Variants in IGSF10 observed in about 807,000 individuals in gnomAD.
IGSF10 encodes calvaria mechanical force protein 608.
Under a neutral mutation model 128.2 loss-of-function variants are expected in IGSF10, and 126 were observed. The ratio of observed to expected loss-of-function variants is 0.98; its 90% CI spans 0.85 to 1.14. The LOEUF is 1.14. Ranked by LOEUF, IGSF10 falls within the 50% of genes most tolerant of loss-of-function variation. The pLI, the probability that IGSF10 is intolerant of heterozygous loss-of-function variation, is 0.00. For missense variants in IGSF10, 3,295 were observed against 3,149.8 expected, an observed-to-expected ratio of 1.05 and a Z score of -1.10; for synonymous variants, 1,185 against 1,146.2, an observed-to-expected ratio of 1.03 and a Z score of -0.68.
the IGSF10 span, among the ~76,000 whole-genome samples, chr3:151,542,393 C>A: frequency 3.9e-3 from 588 of 152,196 alleles, 3 homozygotes; most frequent in African/African-American, 0.013. Flanking sequence ...TAAAGTAAGA[C>A]AATACACAGA....
At chr3:151,453,360 C>CA (rs762116998) in intron 5 of IGSF10, 24 bp downstream of exon 5, 157 of 1,534,222 alleles carry the variant, frequency 1.0e-4, no homozygotes, top group South Asian at 4.0e-5. Context: ...TTAATTGGGA[C>CA]AAAAAAATAA....
the IGSF10 span, among the ~76,000 whole-genome samples, chr3:151,551,700 CAT>C: frequency 2.3e-3 from 336 of 143,562 alleles, no homozygotes; most frequent in African/African-American, 8.6e-3. Flanking sequence ...CACACACACA[CAT>C]CTGAAGGCAT....
the IGSF10 span, among the ~76,000 whole-genome samples, chr3:151,599,314 C>G: frequency 1.3e-5 from 2 of 152,080 alleles, no homozygotes; most frequent in Non-Finnish European, 2.9e-5. Flanking sequence ...TAGGCCAGCA[C>G]CACACTAGGA....
the IGSF10 span, among the ~76,000 whole-genome samples, chr3:151,574,297 C>T: frequency 6.6e-6 from 1 of 152,158 alleles, no homozygotes; most frequent in Non-Finnish European, 1.5e-5. Flanking sequence ...TCCTGGATAA[C>T]ATCCTGAAGA....
Position 151,461,046 on chromosome 3 carries a change from C to G in IGSF10, c.-189G>C. Reference sequence around the variant, plus strand: ...GGTCGTGCGGAGCTGGTCCGGAGCTCTGGGAGGGAAGGAAGGAAGGCGGAG... The same window carrying G: ...GGTCGTGCGGAGCTGGTCCGGAGCTGTGGGAGGGAAGGAAGGAAGGCGGAG... On this transcript the variant is annotated 5_prime_UTR_variant, in exon 1 of 8. Coordinates refer to ENST00000282466, the MANE Select transcript of IGSF10 (RefSeq NM_178822.5). 1 of 985,310 alleles carries G rather than the reference C, an allele frequency of 1.0e-6. No individual in the cohort carries two copies. The highest frequency in any genetic ancestry group is 1.2e-6 in the Non-Finnish European group (1 of 829,906). The allele number at this position is 985,310 out of a possible 1,614,324, so 61.0% of individuals were successfully genotyped here.
rs1720950777 is a variant in IGSF10, at chr3:151,443,033, G to A, written c.5914C>T (p.Gln1972Ter). The change falls in exon 7 of 8, where the codon CAA becomes TAA. Residue 1972 changes from glutamine (Q) to a stop codon, truncating the protein, a stop_gained. Transcript: ENST00000282466. LOFTEE classifies it low-confidence loss of function (END_TRUNC). ...TTGGATGGTAACCTCCACATTATTTGGGGTTTGGGCTCCCCAGTGGCTGAG... is the reference window on the plus strand; with the variant it reads ...TTGGATGGTAACCTCCACATTATTTAGGGTTTGGGCTCCCCAGTGGCTGAG... The part of the protein sequence containing the change: ...NCSATGEPKP[Q>*]IMWRLPSKAV... 1 of 1,614,046 alleles carries A rather than the reference G, an allele frequency of 6.2e-7. No individual in the cohort carries two copies. The highest frequency in any genetic ancestry group is 1.7e-5 in the Admixed American group (1 of 59,998).
rs1194399601 is a variant in IGSF10 at position 151,446,008 on chromosome 3, A to G, written c.3973T>C (p.Phe1325Leu). Reference sequence around the variant, plus strand: ...TCATAAGTGATGACAGATGCAGGGAAGGTAGGAGTTGTTGCTGGTATTGCT... The same window carrying G: ...TCATAAGTGATGACAGATGCAGGGAGGGTAGGAGTTGTTGCTGGTATTGCT... ...QTAIPATTPTFPASVITYETQ... is the reference protein window; with the variant it reads ...QTAIPATTPTLPASVITYETQ... The change falls in exon 6 of 8, where the codon TTC (phenylalanine) becomes CTC (leucine). Residue 1325 changes from phenylalanine (F) to leucine (L), a missense_variant. Coordinates refer to ENST00000282466, the MANE Select transcript of IGSF10 (RefSeq NM_178822.5). The G allele has an allele frequency of 6.2e-7, 1 of 1,614,036 alleles. No individual in the cohort carries two copies. The highest frequency in any genetic ancestry group is 1.7e-5 in the Admixed American group (1 of 59,992).
chr3:151,607,735 C>G, the IGSF10 span, among the ~76,000 whole-genome samples: 1 of 151,172 alleles, frequency 6.6e-6, no homozygotes, highest in Admixed American at 6.6e-5. Context: ...TACGGTGAAA[C>G]CCCGTCTCTA....
At chr3:151,510,588 C>T in the IGSF10 span, among the ~76,000 whole-genome samples, 1 of 152,122 alleles carries the variant, frequency 6.6e-6, no homozygotes, top group African/African-American at 2.4e-5. Context: ...CAGCTCCTCA[C>T]CAGCAATGGA....
chr3:151,590,076 T>C, the IGSF10 span, among the ~76,000 whole-genome samples: 69 of 152,332 alleles, frequency 4.5e-4, no homozygotes, highest in Non-Finnish European at 7.2e-4. Context: ...TCTCACTCTA[T>C]GGCCCAGGCT....
the IGSF10 span, among the ~76,000 whole-genome samples, chr3:151,561,983 A>C: frequency 1.3e-5 from 2 of 152,162 alleles, no homozygotes; most frequent in African/African-American, 4.8e-5. Context: ...TTCTTTTATC[A>C]GAGGCGTTTG....
At chr3:151,596,257 C>T in the IGSF10 span, among the ~76,000 whole-genome samples, 5 of 152,076 alleles carry the variant, frequency 3.3e-5, no homozygotes, top group African/African-American at 1.2e-4. Flanking sequence ...GCAGGCATAT[C>T]ACTGAATGCC....
the IGSF10 span, among the ~76,000 whole-genome samples, chr3:151,546,280 A>G: frequency 0.072 from 10,984 of 152,136 alleles, 505 homozygotes; most frequent in African/African-American, 0.13. Context: ...TATCTACACC[A>G]CCAAGATACC....
chr3:151,574,138 C>T, the IGSF10 span, among the ~76,000 whole-genome samples: 1 of 152,302 alleles, frequency 6.6e-6, no homozygotes, highest in South Asian at 2.1e-4. Context: ...TTCTCTCTGG[C>T]TGCCCTTAAC....
intron 5 of IGSF10, among the ~76,000 whole-genome samples, chr3:151,452,360 C>A (rs773477959): frequency 6.6e-5 from 10 of 152,164 alleles, no homozygotes; most frequent in Non-Finnish European, 1.5e-4. Flanking sequence ...TCCTAGGCTA[C>A]AGACCCATAC....
At chr3:151,459,848 C>T (rs929602187) in intron 2 of IGSF10, among the ~76,000 whole-genome samples, 2 of 152,142 alleles carry the variant, frequency 1.3e-5, no homozygotes, top group African/African-American at 4.8e-5. Flanking sequence ...TTGGATTCCA[C>T]CAGCAACCAC....
chr3:151,456,904 G>T (rs911619111), intron 4 of IGSF10, 122 bp downstream of exon 4: 2 of 942,136 alleles, frequency 2.1e-6, no homozygotes, highest in Non-Finnish European at 1.6e-6. Context: ...CTCCATTGAC[G>T]TCTGCTTCTA....
chr3:151,578,393 T>C, the IGSF10 span, among the ~76,000 whole-genome samples: 8,824 of 152,238 alleles, frequency 0.058, 515 homozygotes, highest in African/African-American at 0.15. Context: ...AATAACTAGG[T>C]GTAGCTGTCA....
the IGSF10 span, among the ~76,000 whole-genome samples, chr3:151,528,248 T>C: frequency 3.3e-5 from 5 of 152,338 alleles, no homozygotes; most frequent in East Asian, 9.6e-4. Context: ...TTATCTGTTA[T>C]TCATTCTTTT....
Sources: allele counts gnomAD v4.1 joint callset (sites outside exome capture counted in the v4.1 genomes callset), GRCh38; gene constraint gnomAD v4.1.1; transcripts MANE v1.5; gene names NCBI Gene and HGNC (gene_info 2026-07-23, HGNC 2026-07-21).